The following DNA2 variants were observed in gnomAD, a reference collection of about 807,000 sequenced individuals.
DNA2 encodes DNA replication ATP-dependent helicase/nuclease DNA2.
Under a neutral mutation model 119.1 loss-of-function variants are expected in DNA2, and 101 were observed. That is an observed-to-expected ratio of 0.85 (90% CI 0.72 to 1.00). DNA2 has a LOEUF of 1.00. Among genes scored for constraint, DNA2 ranks in the 50% least tolerant of loss-of-function variants. The pLI, the probability that DNA2 is intolerant of heterozygous loss-of-function variation, is 0.00. For synonymous variants in DNA2, 366 were observed against 424.4 expected, an observed-to-expected ratio of 0.86 and a Z score of 1.69; for missense variants, 1,121 against 1,255.5, an observed-to-expected ratio of 0.89 and a Z score of 1.62.
intron 9 of DNA2, among the ~76,000 whole-genome samples, chr10:68,440,665 A>G (rs10998170): frequency 2.0e-5 from 3 of 152,120 alleles, no homozygotes; most frequent in Non-Finnish European, 4.4e-5. Flanking sequence ...TAAAAAAATG[A>G]AAGCAATTAA....
rs2052018371 is a variant in DNA2 at position 68,444,938 on chromosome 10, A to G, written c.1203T>C (p.Asn401=). The G allele has an allele frequency of 6.2e-7, 1 of 1,613,536 alleles. No homozygotes were observed. The highest frequency in any genetic ancestry group is 8.5e-7 in the Non-Finnish European group (1 of 1,179,666). ...KTCKYCSQIG[N]CALYSRAVEQ... ...ATATTTACCTGCTATAAAGAGCACA[A>G]TTGCCAATTTGTGAACAATATTTAC... The change falls in exon 8 of 21, where the codon AAT becomes AAC. Residue 401 remains asparagine (N), a synonymous_variant. Coordinates refer to ENST00000358410, the MANE Select transcript of DNA2 (RefSeq NM_001080449.3).
At chr10:68,467,794 C>T (rs1467250274) in intron 3 of DNA2, among the ~76,000 whole-genome samples, 1 of 152,102 alleles carries the variant, frequency 6.6e-6, no homozygotes, top group African/African-American at 2.4e-5. Flanking sequence ...ATGAAGCCAA[C>T]TTTGGAAATG....
At position 68,416,758 on chromosome 10, in the gene DNA2, C is replaced by A; in HGVS notation, c.3065G>T (p.Cys1022Phe). The part of the protein sequence containing the change: ...ILLGCVPSLN[C>F]YPPLEKLLNH... ...AAGCAGCTTCTCCAAAGGAGGATAG[C>A]AATTTAGTGAGGGCACACACCCCAG... Residue 1022 changes from cysteine (C) to phenylalanine (F), a missense_variant, in exon 20 of 21, where the codon TGC becomes TTC. Physicochemically the swap from Cys to Phe is radical, Grantham distance 205. Coordinates refer to ENST00000358410, the MANE Select transcript of DNA2 (RefSeq NM_001080449.3). The A allele has an allele frequency of 1.2e-6, 2 of 1,613,836 alleles. No individual in the cohort carries two copies. Among genetic ancestry groups the A allele is most frequent in the Non-Finnish European group, 1.7e-6 (2 of 1,179,788 alleles).
chr10:68,428,933 A>G (rs1389509185), intron 14 of DNA2, among the ~76,000 whole-genome samples: 3 of 152,170 alleles, frequency 2.0e-5, no homozygotes, highest in Admixed American at 2.0e-4. Flanking sequence ...CAGACTTGCA[A>G]GATGTCACCA....
intron 19 of DNA2, among the ~76,000 whole-genome samples, chr10:68,418,395 A>T (rs1177585806): frequency 6.6e-6 from 1 of 151,302 alleles, no homozygotes; most frequent in African/African-American, 2.4e-5. Flanking sequence ...CTGGGCAACA[A>T]GAGGAAACGC....
chr10:68,466,398 T>A (rs866002492), intron 3 of DNA2, among the ~76,000 whole-genome samples: 29 of 152,116 alleles, frequency 1.9e-4, no homozygotes, highest in African/African-American at 5.6e-4. Flanking sequence ...AATAAAGGCA[T>A]AGCTGATAAA....
chr10:68,432,094 A>G (rs2051829698), intron 12 of DNA2, 112 bp downstream of exon 12: 1 of 1,104,130 alleles, frequency 9.1e-7, no homozygotes. Context: ...ATTTCCAAAG[A>G]GTCTTGGTCT....
At chr10:68,428,312 C>T (rs928834948) in intron 14 of DNA2, among the ~76,000 whole-genome samples, 5 of 151,978 alleles carry the variant, frequency 3.3e-5, no homozygotes, top group Admixed American at 6.6e-5. Flanking sequence ...GGGGACAAAG[C>T]GAGACTCCGT....
chr10:68,418,732 G>A (rs1272252391), intron 19 of DNA2, among the ~76,000 whole-genome samples: 1 of 147,980 alleles, frequency 6.8e-6, no homozygotes, highest in Non-Finnish European at 1.5e-5. Flanking sequence ...GGAGTCAATG[G>A]TACGATCTCG....
chr10:68,429,711 C>CAAAAAAAAAA (rs1165329779), intron 14 of DNA2, among the ~76,000 whole-genome samples: 2 of 40,400 alleles, frequency 5.0e-5, no homozygotes, highest in East Asian at 9.4e-4. Flanking sequence ...GACTCCATCT[C>CAAAAAAAAAA]AAAAAAAAAA....
chr10:68,431,210 C>CAA (rs35710729), intron 13 of DNA2, among the ~76,000 whole-genome samples: 55 of 78,662 alleles, frequency 7.0e-4, no homozygotes, highest in African/African-American at 2.6e-3. Context: ...GACTCCATCT[C>CAA]AAAAAAAAAA....
At position 68,433,904 on chromosome 10, in the gene DNA2, A is replaced by G. The variant is rs117354725; in HGVS notation, c.1647-1394T>C. On this transcript the variant is annotated intron_variant, in intron 10 of 20. Transcript: ENST00000358410. Reference sequence around the variant, plus strand: ...TTTGTGCAACAGGTTTGCCCAGTATAGTATTCTCTTCTCACACTGTTTCAC... The same window carrying G: ...TTTGTGCAACAGGTTTGCCCAGTATGGTATTCTCTTCTCACACTGTTTCAC... Among the ~76,000 whole-genome samples, 289 of 152,312 alleles carry G rather than the reference A, an allele frequency of 1.9e-3. 1 individual carries two copies. Among genetic ancestry groups the G allele is most frequent in the Non-Finnish European group, 3.1e-3 (214 of 68,026 alleles).
chr10:68,465,564 T>C, intron 4 of DNA2, 103 bp downstream of exon 4: 20 of 872,282 alleles, frequency 2.3e-5, no homozygotes, highest in Non-Finnish European at 3.2e-5. Flanking sequence ...GCATTTTAGA[T>C]TACACTAATT....
intron 14 of DNA2, among the ~76,000 whole-genome samples, chr10:68,426,091 G>A (rs2051736933): frequency 1.3e-5 from 2 of 151,606 alleles, no homozygotes; most frequent in African/African-American, 4.8e-5. Flanking sequence ...AGCCAAGATC[G>A]GGCCATTGCA....
At chr10:68,452,226 G>A (rs562363324) in intron 5 of DNA2, among the ~76,000 whole-genome samples, 4 of 152,018 alleles carry the variant, frequency 2.6e-5, no homozygotes, top group South Asian at 2.1e-4. Context: ...GGGATGAGAG[G>A]TGTGCACCAC....
Position 68,415,107 on chromosome 10 carries a change from T to C in DNA2, c.3115A>G (p.Ile1039Val), listed in dbSNP as rs1363537777. The C allele has an allele frequency of 1.9e-6, 3 of 1,551,202 alleles. No homozygotes were observed. The highest frequency in any genetic ancestry group is 2.4e-5 in the South Asian group (2 of 84,638). Residue 1039 changes from isoleucine to valine, a missense_variant and splice_region_variant, in exon 21 of 21, where the codon ATC becomes GTC. Physicochemically the swap from Ile to Val is conservative, Grantham distance 29. Transcript: ENST00000358410. ...LLNHLNSEKL[I>V]IDLPSREHES... Reference sequence around the variant, plus strand: ...TGTTCTCTTGATGGAAGATCAATGATGTAAAATAAATTAAGGAAGAAATAT... The same window carrying C: ...TGTTCTCTTGATGGAAGATCAATGACGTAAAATAAATTAAGGAAGAAATAT...
chr10:68,432,956 G>A (rs1200318152), intron 10 of DNA2, among the ~76,000 whole-genome samples: 3 of 151,904 alleles, frequency 2.0e-5, no homozygotes, highest in Non-Finnish European at 4.4e-5. Flanking sequence ...CTCATTGTTT[G>A]CTCCAGGGTC....
intron 7 of DNA2, among the ~76,000 whole-genome samples, chr10:68,445,779 A>G (rs1389759932): frequency 2.6e-5 from 4 of 152,154 alleles, no homozygotes; most frequent in Non-Finnish European, 5.9e-5. Context: ...ATAAAATTTT[A>G]AAAGATTAAT....
At chr10:68,468,375 G>C (rs562064503) in intron 2 of DNA2, 69 bp from the exon 3 acceptor site, 23 of 1,042,844 alleles carry the variant, frequency 2.2e-5, no homozygotes, top group Middle Eastern at 3.3e-4. Flanking sequence ...TATTAGGGAG[G>C]CTTCAAAAAA....
Sources: gnomAD v4.1 joint callset for allele counts (sites outside exome capture counted in the v4.1 genomes callset) on GRCh38, gnomAD v4.1.1 for gene constraint, MANE v1.5 for transcripts, NCBI Gene and HGNC (gene_info 2026-07-23, HGNC 2026-07-21) for gene names.